Variants in SH3GL3 observed in about 807,000 individuals in gnomAD.
SH3GL3 encodes the protein endophilin-A3.
Under a neutral mutation model 47.7 loss-of-function variants are expected in SH3GL3, and 33 were observed. The observed-to-expected ratio is 0.69, with a 90% CI of 0.52 to 0.92. The LOEUF is 0.92. Ranked by LOEUF, SH3GL3 falls within the 40% of genes least tolerant of loss-of-function variation. The pLI is 0.00. For synonymous variants in SH3GL3, 155 were observed against 148.8 expected (o/e 1.04, Z -0.30); for missense variants, 363 against 417.8 (o/e 0.87, Z 1.14).
At chr15:83,556,122 A>G (rs2044944816) in intron 1 of SH3GL3, among the ~76,000 whole-genome samples, 1 of 152,224 alleles carries the variant, frequency 6.6e-6, no homozygotes, top group East Asian at 1.9e-4. Context: ...TCCAGCACCT[A>G]GAGGAAATAA....
At chr15:83,493,754 A>C (rs1028464087) in intron 1 of SH3GL3, among the ~76,000 whole-genome samples, 1 of 146,570 alleles carries the variant, frequency 6.8e-6, no homozygotes, top group African/African-American at 2.5e-5. Context: ...ACTGTTAAGT[A>C]CCAGAACTGC....
At chr15:83,463,564 A>G (rs945710637) in intron 1 of SH3GL3, among the ~76,000 whole-genome samples, 1 of 152,100 alleles carries the variant, frequency 6.6e-6, no homozygotes, top group Admixed American at 6.5e-5. Context: ...TTACTCTTGG[A>G]AAAATACATT....
intron 2 of SH3GL3, among the ~76,000 whole-genome samples, chr15:83,563,893 C>T (rs1188322136): frequency 6.6e-6 from 1 of 152,198 alleles, no homozygotes; most frequent in Non-Finnish European, 1.5e-5. Flanking sequence ...CTGCCTCAGC[C>T]TCCCAGAGTG....
intron 1 of SH3GL3, among the ~76,000 whole-genome samples, chr15:83,478,297 G>A (rs1397432877): frequency 6.6e-6 from 1 of 152,184 alleles, no homozygotes; most frequent in South Asian, 2.1e-4. Flanking sequence ...GGATTGCAGA[G>A]GAGGAGATAG....
At chr15:83,527,332 T>C (rs2043471555) in intron 1 of SH3GL3, among the ~76,000 whole-genome samples, 1 of 152,214 alleles carries the variant, frequency 6.6e-6, no homozygotes, top group Non-Finnish European at 1.5e-5. Flanking sequence ...TCCACTATTA[T>C]TGTATTGGAG....
At chr15:83,609,764 G>T (rs1349247645) in intron 8 of SH3GL3, among the ~76,000 whole-genome samples, 1 of 152,018 alleles carries the variant, frequency 6.6e-6, no homozygotes, top group Admixed American at 6.5e-5. Flanking sequence ...TGCCCCTTGC[G>T]CCACTGACCA....
chr15:83,574,234 G>A (rs938664074), intron 5 of SH3GL3, among the ~76,000 whole-genome samples: 1 of 152,190 alleles, frequency 6.6e-6, no homozygotes, highest in Non-Finnish European at 1.5e-5. Context: ...TCTGCTGAAA[G>A]CAAAGGGTAT....
At chr15:83,606,469 C>T (rs1341290053) in intron 8 of SH3GL3, among the ~76,000 whole-genome samples, 2 of 152,056 alleles carry the variant, frequency 1.3e-5, no homozygotes, top group Non-Finnish European at 1.5e-5. Context: ...CCTACATTTC[C>T]GAAGAGGAAA....
chr15:83,609,578 G>C (rs1383499491), intron 8 of SH3GL3: 2 of 261,646 alleles, frequency 7.6e-6, no homozygotes, highest in Non-Finnish European at 1.6e-5. Context: ...AATAACTATG[G>C]GGGTGGGGTC....
chr15:83,546,500 GA>G, intron 1 of SH3GL3, among the ~76,000 whole-genome samples: 1 of 152,116 alleles, frequency 6.6e-6, no homozygotes, highest in East Asian at 1.9e-4. Context: ...GAGGAAATGA[GA>G]AATCCTCTTG....
chr15:83,610,609 A>AG (rs1833668953), intron 8 of SH3GL3, among the ~76,000 whole-genome samples: 1 of 152,182 alleles, frequency 6.6e-6, no homozygotes, highest in African/African-American at 2.4e-5. Flanking sequence ...AACAATTTTC[A>AG]GGGGGTATAT....
chr15:83,530,260 G>C (rs1176467928), intron 1 of SH3GL3, among the ~76,000 whole-genome samples: 2 of 152,150 alleles, frequency 1.3e-5, no homozygotes, highest in African/African-American at 4.8e-5. Context: ...TCTCTAGGCA[G>C]CTCCCTGTGC....
intron 1 of SH3GL3, among the ~76,000 whole-genome samples, chr15:83,494,485 G>A (rs1284145423): frequency 6.6e-6 from 1 of 151,974 alleles, no homozygotes; most frequent in Non-Finnish European, 1.5e-5. Context: ...TTTGACCAGG[G>A]CCATATATTT....
chr15:83,592,053 T>C (rs1449883503), intron 8 of SH3GL3, among the ~76,000 whole-genome samples: 6 of 152,374 alleles, frequency 3.9e-5, no homozygotes, highest in South Asian at 2.1e-4. Context: ...CCTTTCCCAG[T>C]GCTTATTTTC....
intron 8 of SH3GL3, among the ~76,000 whole-genome samples, chr15:83,600,515 T>C (rs1334097110): frequency 6.6e-6 from 1 of 152,234 alleles, no homozygotes; most frequent in Non-Finnish European, 1.5e-5. Flanking sequence ...TTTGGCTTTA[T>C]TTCTGGGTTC....
intron 1 of SH3GL3, among the ~76,000 whole-genome samples, chr15:83,523,415 G>A (rs977159431): frequency 6.6e-6 from 1 of 152,158 alleles, no homozygotes; most frequent in Non-Finnish European, 1.5e-5. Context: ...AAGGGTGTGT[G>A]GAGTAGAGAC....
At chr15:83,584,352 G>A (rs2059907783) in intron 6 of SH3GL3, among the ~76,000 whole-genome samples, 1 of 152,178 alleles carries the variant, frequency 6.6e-6, no homozygotes, top group Admixed American at 6.5e-5. Context: ...ATCTCTTCAT[G>A]TTAAGATCCT....
At chr15:83,564,411 C>G (rs2045437099) in intron 2 of SH3GL3, among the ~76,000 whole-genome samples, 1 of 152,034 alleles carries the variant, frequency 6.6e-6, no homozygotes, top group Non-Finnish European at 1.5e-5. Flanking sequence ...ATTTTTATTG[C>G]TTTTATGAAT....
At chr15:83,632,673 A>C in the SH3GL3 span, among the ~76,000 whole-genome samples, 1 of 152,266 alleles carries the variant, frequency 6.6e-6, no homozygotes, top group South Asian at 2.1e-4. Flanking sequence ...AAACCATCAG[A>C]TCTTGTGTGA....
Sources: allele counts gnomAD v4.1 joint callset (sites outside exome capture counted in the v4.1 genomes callset), GRCh38; gene constraint gnomAD v4.1.1; transcripts MANE v1.5; gene names NCBI Gene and HGNC (gene_info 2026-07-23, HGNC 2026-07-21).